Variants in POLR1C observed in about 807,000 individuals in gnomAD.
POLR1C encodes the protein RNA polymerase I and III subunit C.
In POLR1C, 42 loss-of-function variants were observed where a neutral mutation model predicts 38.3. That is an observed-to-expected ratio of 1.10 (90% CI 0.86 to 1.42). The LOEUF is 1.42. Ranked by LOEUF, POLR1C falls within the 40% of genes most tolerant of loss-of-function variation. POLR1C has a pLI of 0.00. For synonymous variants in POLR1C, 163 were observed against 163.9 expected (o/e 0.99, Z 0.04); for missense variants, 507 against 450.5 (o/e 1.13, Z -1.14).
chr6:43,560,962 G>C, intron 10 of POLR1C: 1 of 1,613,888 alleles, frequency 6.2e-7, no homozygotes, highest in South Asian at 1.1e-5. Flanking sequence ...AAAGATTCCA[G>C]GTATTTTCCA....
At chr6:43,548,375 A>G in intron 9 of POLR1C, 1 of 1,613,606 alleles carries the variant, frequency 6.2e-7, no homozygotes. Flanking sequence ...CAGGGCTTCC[A>G]TGAGGGCACA....
chr6:43,551,254 T>C (rs1795215398), intron 10 of POLR1C: 9 of 1,519,910 alleles, frequency 5.9e-6, no homozygotes, highest in Non-Finnish European at 7.9e-6. Flanking sequence ...AAAATTAACT[T>C]AGAAATGTCA....
chr6:43,539,452 G>A (rs1794559512), intron 9 of POLR1C: 1 of 1,573,644 alleles, frequency 6.4e-7, no homozygotes, highest in Admixed American at 1.7e-5. Flanking sequence ...TGGGCAGGGA[G>A]AAGAGATAGA....
chr6:43,545,077 TGGCCA>T (rs1333852692), intron 9 of POLR1C, among the ~76,000 whole-genome samples: 1 of 151,952 alleles, frequency 6.6e-6, no homozygotes, highest in East Asian at 2.0e-4. Context: ...TTCATCATGT[TGGCCA>T]GGCTGGTCTG....
intron 9 of POLR1C, among the ~76,000 whole-genome samples, chr6:43,540,461 A>G (rs1475367015): frequency 2.0e-5 from 3 of 152,126 alleles, no homozygotes; most frequent in Non-Finnish European, 2.9e-5. Context: ...CCTGGACGAC[A>G]GAGCAAGACT....
chr6:43,554,903 C>G (rs934875693), intron 10 of POLR1C: 7 of 149,154 alleles, frequency 4.7e-5, no homozygotes, highest in African/African-American at 1.7e-4. Context: ...TAGTATGGTG[C>G]TTTTCTAAAG....
intron 9 of POLR1C, among the ~76,000 whole-genome samples, chr6:43,540,512 G>T (rs894552280): frequency 3.9e-5 from 6 of 152,034 alleles, no homozygotes; most frequent in Non-Finnish European, 8.8e-5. Flanking sequence ...AATTAGCCAG[G>T]CATGGTGGCA....
chr6:43,535,128 T>G (rs763426123), intron 9 of POLR1C, among the ~76,000 whole-genome samples: 1 of 150,562 alleles, frequency 6.6e-6, no homozygotes, highest in African/African-American at 2.5e-5. Context: ...CTGTCTCTAC[T>G]AAAAATACAA....
At chr6:43,560,155 A>G (rs571454240) in intron 10 of POLR1C, 1 of 1,607,646 alleles carries the variant, frequency 6.2e-7, no homozygotes, top group South Asian at 1.1e-5. Flanking sequence ...TACATTCCAC[A>G]TGTTTAGATT....
chr6:43,545,854 G>T (rs1333850257), intron 9 of POLR1C, among the ~76,000 whole-genome samples: 2 of 152,060 alleles, frequency 1.3e-5, no homozygotes, highest in South Asian at 2.1e-4. Flanking sequence ...TAACTGATAA[G>T]CCTATACTGG....
intron 6 of POLR1C, 90 bp from the exon 7 acceptor site, chr6:43,520,535 G>A (rs1793102591): frequency 1.2e-6 from 2 of 1,601,092 alleles, no homozygotes; most frequent in Non-Finnish European, 1.7e-6. Context: ...AAGCCAAGAG[G>A]GTTGTGCTTT....
chr6:43,539,629 G>A, intron 9 of POLR1C: 1 of 1,348,926 alleles, frequency 7.4e-7, no homozygotes. Context: ...AACCTCTGCG[G>A]AAGCCACCGC....
intron 9 of POLR1C, among the ~76,000 whole-genome samples, chr6:43,548,645 A>G (rs1795079554): frequency 6.6e-6 from 1 of 151,996 alleles, no homozygotes; most frequent in Non-Finnish European, 1.5e-5. Context: ...ATTTAGGCGG[A>G]AGATAGCTCT....
downstream of POLR1C, chr6:43,524,652 T>G: frequency 6.2e-7 from 1 of 1,611,708 alleles, no homozygotes; most frequent in Non-Finnish European, 8.5e-7. Context: ...TCAGCAGGGA[T>G]AAACTTACTG....
intron 9 of POLR1C, among the ~76,000 whole-genome samples, chr6:43,548,692 T>C (rs1292941437): frequency 6.6e-6 from 1 of 151,754 alleles, no homozygotes; most frequent in Non-Finnish European, 1.5e-5. Flanking sequence ...TTTCCCATAC[T>C]ACAACTGTGA....
Position 43,539,061 on chromosome 6 carries a change from T to C in POLR1C, c.*4+9702T>C, listed in dbSNP as rs778714454. The C allele has an allele frequency of 5.9e-6, 9 of 1,514,366 alleles. No individual in the cohort carries two copies. The Admixed American group carries it at 8.5e-5, about 14-fold the overall frequency. The allele number at this position is 1,514,366 out of a possible 1,614,324, so 93.8% of individuals were successfully genotyped here. ...TAGCAGTCATCGATACCAGCCATCA[T>C]GAGCAGCTTCTTGGGCACAGGTGCG... On this transcript the variant is annotated intron_variant, in intron 9 of 10. Coordinates refer to the POLR1C transcript ENST00000607635.
At chr6:43,560,846 C>G in intron 10 of POLR1C, 2 of 1,183,004 alleles carry the variant, frequency 1.7e-6, no homozygotes, top group Non-Finnish European at 2.5e-6. Flanking sequence ...ACATGATCTA[C>G]AATAATATTT....
intron 10 of POLR1C, among the ~76,000 whole-genome samples, chr6:43,552,071 A>G (rs1795253807): frequency 6.6e-6 from 1 of 152,178 alleles, no homozygotes. Flanking sequence ...TTTCATATTT[A>G]TCAGCTACTT....
At chr6:43,523,033 A>G (rs1017018915), downstream of POLR1C, 2 of 163,724 alleles carry the variant, frequency 1.2e-5, no homozygotes, top group African/African-American at 4.8e-5. Flanking sequence ...CTCATCACAG[A>G]TGTAGCCTAG....
Sources: allele counts gnomAD v4.1 joint callset (sites outside exome capture counted in the v4.1 genomes callset), GRCh38; gene constraint gnomAD v4.1.1; transcripts MANE v1.5; gene names NCBI Gene and HGNC (gene_info 2026-07-23, HGNC 2026-07-21).